TUSC3: variants seen among roughly 807,000 people sequenced by gnomAD.
TUSC3 encodes dolichyl-diphosphooligosaccharide--protein glycosyltransferase subunit TUSC3.
Under a neutral mutation model 44.8 loss-of-function variants are expected in TUSC3, and 45 were observed. The ratio of observed to expected loss-of-function variants is 1.00; its 90% CI spans 0.79 to 1.29. The LOEUF (loss-of-function observed/expected upper bound fraction) is 1.29, where lower values mean the gene tolerates loss of function less well. Among genes scored for constraint, TUSC3 ranks in the 50% most tolerant of loss-of-function variants. The pLI is 0.00. For missense variants in TUSC3, 519 were observed against 437.9 expected (o/e 1.19, Z -1.65); for synonymous variants, 212 against 152.9 (o/e 1.39, Z -2.85).
At chr8:15,809,095 T>C in the TUSC3 span, among the ~76,000 whole-genome samples, 1 of 152,120 alleles carries the variant, frequency 6.6e-6, no homozygotes, top group Admixed American at 6.6e-5. Context: ...GATGGCACAC[T>C]ATCATGCTAA....
intron 5 of TUSC3, among the ~76,000 whole-genome samples, chr8:15,666,157 G>A (rs1339183616): frequency 6.6e-6 from 1 of 151,438 alleles, no homozygotes; most frequent in Non-Finnish European, 1.5e-5. Context: ...AGCACATAAT[G>A]AAGATCTTCA....
downstream of TUSC3, among the ~76,000 whole-genome samples, chr8:15,768,998 G>A (rs765946523): frequency 1.3e-5 from 2 of 152,024 alleles, no homozygotes; most frequent in East Asian, 3.9e-4. Flanking sequence ...TGGCCGTACC[G>A]CCAAAAGTAA....
intron 1 of TUSC3, among the ~76,000 whole-genome samples, chr8:15,467,284 A>C (rs1262241378): frequency 6.6e-6 from 1 of 151,606 alleles, no homozygotes; most frequent in Non-Finnish European, 1.5e-5. Flanking sequence ...AGCCAAAAAA[A>C]AAAAAAAAAA....
chr8:15,560,217 A>C (rs1802408868), intron 1 of TUSC3, among the ~76,000 whole-genome samples: 2 of 147,230 alleles, frequency 1.4e-5, no homozygotes, highest in Admixed American at 6.8e-5. Flanking sequence ...AAAATCTCTC[A>C]GCATTTGCTT....
intron 3 of TUSC3, 115 bp from the exon 4 acceptor site, chr8:15,659,392 A>G: frequency 7.5e-7 from 1 of 1,335,502 alleles, no homozygotes; most frequent in South Asian, 1.3e-5. Context: ...CTGGAAAACC[A>G]CTTGGATTTT....
At chr8:15,737,100 T>C (rs937951983) in intron 7 of TUSC3, among the ~76,000 whole-genome samples, 1 of 152,178 alleles carries the variant, frequency 6.6e-6, no homozygotes, top group Non-Finnish European at 1.5e-5. Flanking sequence ...AATATGATTT[T>C]ATTCGCATCT....
At chr8:15,588,404 A>G (rs1803684407) in intron 1 of TUSC3, among the ~76,000 whole-genome samples, 1 of 151,706 alleles carries the variant, frequency 6.6e-6, no homozygotes, top group South Asian at 2.1e-4. Context: ...TTAGTACTAG[A>G]TTATTTGTTT....
At chr8:15,748,818 T>C (rs765316002) in intron 9 of TUSC3, 6 of 483,432 alleles carry the variant, frequency 1.2e-5, no homozygotes, top group South Asian at 4.5e-5. Flanking sequence ...TCACTGTTCA[T>C]TGTCTAATAA....
intron 1 of TUSC3, among the ~76,000 whole-genome samples, chr8:15,470,837 G>A (rs1055980350): frequency 6.6e-6 from 1 of 152,142 alleles, no homozygotes; most frequent in Non-Finnish European, 1.5e-5. Flanking sequence ...CCCAGTGAGT[G>A]TGGGTGTGAG....
chr8:15,845,003 C>G, the TUSC3 span, among the ~76,000 whole-genome samples: 1 of 152,194 alleles, frequency 6.6e-6, no homozygotes, highest in Admixed American at 6.5e-5. Flanking sequence ...ACAATAGAAA[C>G]AGCAGAACAG....
At chr8:15,649,280 T>G (rs1033187410) in intron 2 of TUSC3, among the ~76,000 whole-genome samples, 1 of 152,170 alleles carries the variant, frequency 6.6e-6, no homozygotes, top group Non-Finnish European at 1.5e-5. Context: ...AAGTTTGGTC[T>G]ACTATTGAGT....
chr8:15,694,646 A>G (rs1809077666), intron 6 of TUSC3, among the ~76,000 whole-genome samples: 1 of 151,934 alleles, frequency 6.6e-6, no homozygotes, highest in Non-Finnish European at 1.5e-5. Flanking sequence ...GGCCTTGATT[A>G]TGGTATAAGG....
intron 2 of TUSC3, among the ~76,000 whole-genome samples, chr8:15,518,795 T>G (rs1341618262): frequency 6.6e-6 from 1 of 152,174 alleles, no homozygotes; most frequent in Non-Finnish European, 1.5e-5. Context: ...TAATCCCTCT[T>G]GTTTTTATAG....
chr8:15,585,671 G>C (rs1803567404), intron 1 of TUSC3, among the ~76,000 whole-genome samples: 1 of 152,142 alleles, frequency 6.6e-6, no homozygotes. Context: ...TACTGTGGAT[G>C]TTTTAGGGGA....
chr8:15,688,035 T>A (rs1585230901), intron 6 of TUSC3, among the ~76,000 whole-genome samples: 2 of 152,234 alleles, frequency 1.3e-5, no homozygotes, highest in East Asian at 1.9e-4. Flanking sequence ...AAGAGAAGAA[T>A]CAGTCCTCCC....
chr8:15,821,188 C>G, the TUSC3 span, among the ~76,000 whole-genome samples: 1 of 151,998 alleles, frequency 6.6e-6, no homozygotes, highest in Non-Finnish European at 1.5e-5. Context: ...CAGTTATTTT[C>G]TTACTGTAGT....
At chr8:15,540,958 C>T (rs1801667743) in intron 1 of TUSC3, among the ~76,000 whole-genome samples, 2 of 152,170 alleles carry the variant, frequency 1.3e-5, no homozygotes, top group African/African-American at 2.4e-5. Flanking sequence ...TTACTCTGCT[C>T]CCTTCATTAC....
intron 1 of TUSC3, among the ~76,000 whole-genome samples, chr8:15,588,639 G>C (rs1803693514): frequency 6.6e-6 from 1 of 152,064 alleles, no homozygotes; most frequent in Non-Finnish European, 1.5e-5. Context: ...TCAGAACAAA[G>C]TCCTGAAACA....
rs191897215 is a variant in TUSC3 at position 15,588,318 on chromosome 8, G to A, written c.139-34762G>A. On this transcript the variant is annotated intron_variant, in intron 1 of 10. Coordinates refer to ENST00000503731, the MANE Select transcript of TUSC3 (RefSeq NM_006765.4). ...CTTTTCCCTGATGATCAGTGATGTTGCACATTTTTTCAGATACTTGTTGGC... is the reference window on the plus strand; with the variant it reads ...CTTTTCCCTGATGATCAGTGATGTTACACATTTTTTCAGATACTTGTTGGC... 7.2e-5 allele frequency among the ~76,000 whole-genome samples: 11 copies of A among 152,186 alleles called. No homozygotes were observed. In the East Asian group the frequency reaches 2.1e-3, roughly 29 times the overall value.
Sources: gnomAD v4.1 joint callset for allele counts (sites outside exome capture counted in the v4.1 genomes callset) on GRCh38, gnomAD v4.1.1 for gene constraint, MANE v1.5 for transcripts, NCBI Gene and HGNC (gene_info 2026-07-23, HGNC 2026-07-21) for gene names.